RBPJ: variants seen among roughly 807,000 people sequenced by gnomAD.
The protein encoded by RBPJ is recombining binding protein suppressor of hairless.
A neutral mutation model predicts 67.8 loss-of-function variants in RBPJ; 9 were observed. The observed-to-expected ratio is 0.13, with a 90% CI of 0.08 to 0.23. The LOEUF (loss-of-function observed/expected upper bound fraction) is 0.23, where lower values mean the gene tolerates loss of function less well. Ranked by LOEUF, RBPJ falls within the 10% of genes least tolerant of loss-of-function variation. The pLI, the probability that RBPJ is intolerant of heterozygous loss-of-function variation, is 1.00. For missense variants in RBPJ, 305 were observed against 595.6 expected (o/e 0.51, Z 5.08); for synonymous variants, 198 against 203.3 (o/e 0.97, Z 0.22).
chr4:26,389,048 C>T (rs1377572194), intron 2 of RBPJ, among the ~76,000 whole-genome samples: 1 of 151,700 alleles, frequency 6.6e-6, no homozygotes, highest in African/African-American at 2.4e-5. Flanking sequence ...ATGGCGAAAC[C>T]GTGTCTGTAC....
At chr4:26,287,446 A>G (rs1169332507) in intron 1 of RBPJ, among the ~76,000 whole-genome samples, 1 of 151,308 alleles carries the variant, frequency 6.6e-6, no homozygotes, top group Non-Finnish European at 1.5e-5. Context: ...CCAGTTACTC[A>G]GAAGGCTCGA....
chr4:26,210,692 T>TTTCCTTCTTTCC (rs1560212007), intron 1 of RBPJ, among the ~76,000 whole-genome samples: 1 of 46,120 alleles, frequency 2.2e-5, no homozygotes, highest in South Asian at 1.1e-3. Flanking sequence ...CTTTCCTTTC[T>TTTCCTTCTTTCC]TTCTTTCTTT....
At chr4:26,228,900 G>A (rs567259562) in intron 1 of RBPJ, among the ~76,000 whole-genome samples, 1 of 152,192 alleles carries the variant, frequency 6.6e-6, no homozygotes, top group African/African-American at 2.4e-5. Context: ...CATCTGAATG[G>A]CTCCTTGTTT....
chr4:26,336,875 T>C (rs1448412957), intron 1 of RBPJ, among the ~76,000 whole-genome samples: 1 of 152,164 alleles, frequency 6.6e-6, no homozygotes, highest in Non-Finnish European at 1.5e-5. Context: ...AAAATAACTT[T>C]TACCACCTCC....
At chr4:26,186,476 C>A (rs541159968) in intron 1 of RBPJ, among the ~76,000 whole-genome samples, 10 of 152,270 alleles carry the variant, frequency 6.6e-5, no homozygotes, top group Admixed American at 4.6e-4. Context: ...ATTGAGCAAA[C>A]TAGTCTGAAG....
the RBPJ span, among the ~76,000 whole-genome samples, chr4:26,125,225 G>A: frequency 1.3e-5 from 2 of 152,328 alleles, no homozygotes; most frequent in South Asian, 4.1e-4. Context: ...TATATTCTGA[G>A]CAACATGTGG....
chr4:26,285,913 C>T (rs1365437494), intron 1 of RBPJ, among the ~76,000 whole-genome samples: 4 of 152,046 alleles, frequency 2.6e-5, no homozygotes, highest in African/African-American at 9.7e-5. Context: ...TAGTCCAGAC[C>T]AGCCTGGGCA....
chr4:26,276,343 C>T (rs1193634644), intron 1 of RBPJ, among the ~76,000 whole-genome samples: 1 of 151,346 alleles, frequency 6.6e-6, no homozygotes, highest in Non-Finnish European at 1.5e-5. Context: ...TAAGTTTCTA[C>T]TTTTAAGGTC....
In RBPJ at chr4:26,272,823, T is replaced by C. The variant is rs576689278; in HGVS notation, c.-166-89623T>C. 4.6e-4 allele frequency: 183 copies of C among 395,628 alleles called. 2 individuals are homozygous for C. Among genetic ancestry groups the C allele is most frequent in the African/African-American group, 3.6e-3 (175 of 48,304 alleles). The allele number at this position is 395,628 out of a possible 1,614,324, so 24.5% of individuals were successfully genotyped here. On this transcript the variant is annotated intron_variant, in intron 1 of 4. Coordinates refer to the RBPJ transcript ENST00000512351. ...GGAAAGTCCTATTGGATCTGCATAA[T>C]GTACTCATTGTTTAAAACCATACAT...
chr4:26,339,896 G>T (rs1384879690), intron 1 of RBPJ, among the ~76,000 whole-genome samples: 1 of 152,026 alleles, frequency 6.6e-6, no homozygotes, highest in Non-Finnish European at 1.5e-5. Flanking sequence ...GCGGTTGCCT[G>T]TAATACCAGC....
chr4:26,283,137 G>T (rs1721334921), intron 1 of RBPJ, among the ~76,000 whole-genome samples: 1 of 148,600 alleles, frequency 6.7e-6, no homozygotes, highest in Non-Finnish European at 1.5e-5. Context: ...CACCGTGTTA[G>T]CCAGGATGGT....
At chr4:26,302,442 G>A (rs577522530) in intron 1 of RBPJ, among the ~76,000 whole-genome samples, 16 of 152,042 alleles carry the variant, frequency 1.1e-4, no homozygotes, top group South Asian at 6.2e-4. Flanking sequence ...CCCCAGTCCC[G>A]TTTCTCCAGC....
the RBPJ span, among the ~76,000 whole-genome samples, chr4:26,133,914 T>C: frequency 1.6e-3 from 248 of 152,248 alleles, no homozygotes; most frequent in African/African-American, 5.9e-3. Context: ...AGCAAAGCTT[T>C]AAAGATGAAG....
chr4:26,193,970 T>G (rs1007803286), intron 1 of RBPJ, among the ~76,000 whole-genome samples: 1 of 152,178 alleles, frequency 6.6e-6, no homozygotes, highest in Non-Finnish European at 1.5e-5. Flanking sequence ...CCCTCACACA[T>G]CTTGCTTCCT....
intron 2 of RBPJ, among the ~76,000 whole-genome samples, chr4:26,401,012 T>G (rs565970535): frequency 1.8e-4 from 28 of 152,390 alleles, no homozygotes; most frequent in Non-Finnish European, 3.8e-4. Flanking sequence ...ATTTTCAAGT[T>G]TGCTCTCAAA....
upstream of RBPJ, among the ~76,000 whole-genome samples, chr4:26,317,335 C>T (rs891373235): frequency 6.6e-6 from 1 of 151,800 alleles, no homozygotes. Flanking sequence ...AAGAGCATTC[C>T]AGGTAGTGGA....
chr4:26,422,640 G>T (rs547642439), intron 5 of RBPJ, among the ~76,000 whole-genome samples: 1 of 152,062 alleles, frequency 6.6e-6, no homozygotes, highest in South Asian at 2.1e-4. Flanking sequence ...TTTTGTATTG[G>T]TTATATTTTA....
intron 1 of RBPJ, among the ~76,000 whole-genome samples, chr4:26,381,279 C>G (rs555461337): frequency 2.2e-4 from 34 of 152,098 alleles, no homozygotes; most frequent in African/African-American, 8.2e-4. Context: ...TGGGAGAAAA[C>G]AATACCTCCT....
chr4:26,386,426 A>G (rs770988912), intron 2 of RBPJ, 35 bp downstream of exon 2: 7 of 1,400,556 alleles, frequency 5.0e-6, no homozygotes, highest in South Asian at 1.2e-5. Flanking sequence ...TTACACATAC[A>G]TTTTATGAAA....
Sources: gnomAD v4.1 joint callset for allele counts (sites outside exome capture counted in the v4.1 genomes callset) on GRCh38, gnomAD v4.1.1 for gene constraint, MANE v1.5 for transcripts, NCBI Gene and HGNC (gene_info 2026-07-23, HGNC 2026-07-21) for gene names.